Variants in HMCN2 observed in about 807,000 individuals in gnomAD.
HMCN2 encodes hemicentin-2.
In HMCN2, 325 loss-of-function variants were observed where a neutral mutation model predicts 377.5. That is an observed-to-expected ratio of 0.86 (90% CI 0.79 to 0.94). The LOEUF is 0.94. HMCN2 is among the 40% of genes least tolerant of loss of function. The pLI, the probability that HMCN2 is intolerant of heterozygous loss-of-function variation, is 0.00. For synonymous variants in HMCN2, 2,007 were observed against 2,046.8 expected (o/e 0.98, Z 0.53); for missense variants, 4,543 against 4,725.3 (o/e 0.96, Z 1.13).
At chr9:130,309,644 G>T (rs981264723) in intron 14 of HMCN2, among the ~76,000 whole-genome samples, 2 of 152,122 alleles carry the variant, frequency 1.3e-5, no homozygotes, top group Non-Finnish European at 2.9e-5. Context: ...ACCAGCGGGG[G>T]GGGTCCAAAC....
intron 1 of HMCN2, among the ~76,000 whole-genome samples, chr9:130,267,574 G>A (rs977078202): frequency 6.6e-6 from 1 of 152,108 alleles, no homozygotes; most frequent in Admixed American, 6.6e-5. Flanking sequence ...CCTTGCAGAG[G>A]GATTTGCATT....
intron 95 of HMCN2, 75 bp from the exon 96 acceptor site, chr9:130,431,292 C>G: frequency 2.1e-6 from 3 of 1,427,014 alleles, no homozygotes; most frequent in Non-Finnish European, 2.9e-6. Flanking sequence ...AGGTGTGTGG[C>G]CACGTTGGTG....
chr9:130,272,226 A>G (rs10988670), intron 1 of HMCN2, among the ~76,000 whole-genome samples: 2 of 147,606 alleles, frequency 1.4e-5, no homozygotes, highest in Non-Finnish European at 3.0e-5. Flanking sequence ...CTTCTTTTTT[A>G]AAAAAAATAA....
At chr9:130,328,908 CATCCTCTCCAGCTTTTACACATTT>C (rs1838283919) in intron 22 of HMCN2, among the ~76,000 whole-genome samples, 1 of 152,228 alleles carries the variant, frequency 6.6e-6, no homozygotes, top group Non-Finnish European at 1.5e-5. Flanking sequence ...CAAACTGAGA[CATCCTCTCCAGCTTTTACACATTT>C]ATCCTCCTCC....
rs782372093 is a variant in HMCN2, at chr9:130,302,958, C to G, written c.1378C>G (p.Leu460Val). ...VHSALPFRLQ[L>V]RRGEARLGEE... ...CAGTGCCCTTCCCTTCCGGCTGCAGCTGCGGCGAGGTGAAGCCAGGCTGGG... is the reference window on the plus strand; with the variant it reads ...CAGTGCCCTTCCCTTCCGGCTGCAGGTGCGGCGAGGTGAAGCCAGGCTGGG... Residue 460 changes from leucine (L) to valine (V), a missense_variant, in exon 9 of 98, where the codon CTG (leucine) becomes GTG (valine). By Grantham distance (32) the Leu-to-Val change is conservative. Transcript: ENST00000683500. 1 of 470,822 alleles carries G rather than the reference C, an allele frequency of 2.1e-6. No individual in the cohort carries two copies. The highest frequency in any genetic ancestry group is 1.5e-5 in the South Asian group (1 of 64,518). The allele number at this position is 470,822 out of a possible 1,614,324, so 29.2% of individuals were successfully genotyped here. A position where few individuals can be genotyped will look rare whatever the true frequency, so the allele number is the denominator to read the frequency against.
At chr9:130,346,273 A>T (rs1196631166) in intron 25 of HMCN2, among the ~76,000 whole-genome samples, 1 of 151,924 alleles carries the variant, frequency 6.6e-6, no homozygotes, top group Admixed American at 6.6e-5. Flanking sequence ...CACTTGGAGG[A>T]CTGGGCTGTT....
intron 1 of HMCN2, among the ~76,000 whole-genome samples, chr9:130,283,314 A>T (rs1345780928): frequency 6.6e-6 from 1 of 152,102 alleles, no homozygotes; most frequent in South Asian, 2.1e-4. Flanking sequence ...CATATACAAC[A>T]TAAGTAGAAG....
rs1838540472 is a variant in HMCN2 at position 130,333,520 on chromosome 9, A to T, written c.3360-4374A>T. 2.0e-5 allele frequency among the ~76,000 whole-genome samples: 3 copies of T among 152,296 alleles called. No individual in the cohort carries two copies. In the East Asian group the frequency reaches 5.8e-4, roughly 29 times the overall value. On this transcript the variant is annotated intron_variant, in intron 22 of 97. Coordinates refer to ENST00000683500, the MANE Select transcript of HMCN2 (RefSeq NM_001291815.2). ...AGCCAGATGGATGTCATAAACAGGA[A>T]ATTCCCCTCAAACCTCTCCACTCTC... is the stretch of plus-strand genomic sequence containing the variant.
chr9:130,348,483 T>C, intron 26 of HMCN2, 62 bp from the exon 27 acceptor site: 2 of 1,282,696 alleles, frequency 1.6e-6, no homozygotes, highest in Non-Finnish European at 2.0e-6. Flanking sequence ...CCAGATGAGG[T>C]CCCTTCGGCT....
At chr9:130,424,169 ATT>A (rs57296543) in intron 87 of HMCN2, among the ~76,000 whole-genome samples, 1,595 of 68,482 alleles carry the variant, frequency 0.023, 24 homozygotes, top group East Asian at 0.079. Context: ...ATATATATAT[ATT>A]TTTTTTTTTT....
chr9:130,368,008 G>A (rs569302568), intron 43 of HMCN2, among the ~76,000 whole-genome samples: 1 of 151,676 alleles, frequency 6.6e-6, no homozygotes, highest in East Asian at 1.9e-4. Flanking sequence ...ATTCCGGAGG[G>A]CTCAGGCCAG....
At chr9:130,273,788 G>A (rs1485629455) in intron 1 of HMCN2, among the ~76,000 whole-genome samples, 1 of 152,200 alleles carries the variant, frequency 6.6e-6, no homozygotes, top group African/African-American at 2.4e-5. Context: ...GTGCGCCTCC[G>A]CGCCCGGCCA....
At chr9:130,266,847 T>C (rs1230520228) in intron 1 of HMCN2, among the ~76,000 whole-genome samples, 1 of 152,142 alleles carries the variant, frequency 6.6e-6, no homozygotes, top group Non-Finnish European at 1.5e-5. Context: ...AGGGGCGCCC[T>C]TGAAAGGGTC....
intron 1 of HMCN2, among the ~76,000 whole-genome samples, chr9:130,271,874 C>T (rs1021296116): frequency 6.7e-6 from 1 of 149,234 alleles, no homozygotes; most frequent in Non-Finnish European, 1.5e-5. Flanking sequence ...ATGTAATCAT[C>T]CGTGTCTATA....
rs1564803759 is a variant in HMCN2, at chr9:130,349,603, A to T, written c.4370A>T (p.Glu1457Val). The change falls in exon 29 of 98, where the codon GAG becomes GTG. Residue 1457 changes from glutamate to valine, a missense_variant. Physicochemically the swap from Glu to Val is moderately radical, Grantham distance 121. This residue lies in a region of HMCN2 where 1,032 missense variants were observed against 1,285.1 expected (regional missense o/e 0.80). Transcript: ENST00000683500. ...CTAGGATTGGCCGGTGCAGACGTGG[A>T]GCTGCAGTGTTGGACCTCAGGGGTC... The part of the protein sequence containing the change: ...EVLGLAGADV[E>V]LQCWTSGVPT... 4 of 1,304,014 alleles carry T rather than the reference A, an allele frequency of 3.1e-6. No homozygotes were observed. The highest frequency in any genetic ancestry group is 2.5e-5 in the South Asian group (2 of 81,014). 80.8% of individuals were successfully genotyped at this position (1,304,014 alleles called of 1,614,324 possible).
At chr9:130,401,779 G>A (rs998018896) in intron 77 of HMCN2, among the ~76,000 whole-genome samples, 7 of 152,024 alleles carry the variant, frequency 4.6e-5, no homozygotes, top group African/African-American at 1.7e-4. Flanking sequence ...TGAAGCAATA[G>A]AACTTCCTTC....
In HMCN2 at chr9:130,423,478, T is replaced by C. The variant is rs1438773736; in HGVS notation, c.13381+752T>C. 6.6e-6 allele frequency among the ~76,000 whole-genome samples: 1 copy of C among 152,220 alleles called. No homozygotes were observed. The highest frequency in any genetic ancestry group is 2.4e-5 in the African/African-American group (1 of 41,472). ...GCAGACAGCAGATGAAGCGAGACGC[T>C]GCCCAGACATGGCTGCTTATTCTAG... On this transcript the variant is annotated intron_variant, in intron 87 of 97. Transcript: ENST00000683500. This position sits in a 1 kb window ranked among gnomAD's most constrained non-coding sequence, Gnocchi z 5.5.
chr9:130,271,634 A>G (rs1489859183), intron 1 of HMCN2, among the ~76,000 whole-genome samples: 1 of 148,158 alleles, frequency 6.7e-6, no homozygotes, highest in Non-Finnish European at 1.5e-5. Context: ...ACTTTTTGGC[A>G]CTGGTAGTGG....
In HMCN2 at chr9:130,356,142, G is replaced by A. The variant is rs1044290823; in HGVS notation, c.5310G>A (p.Ser1770=). ...AGCTGGCTGGGGTGCAGGTGGCCTC[G>A]CAGGGGACCACACTGCACATTGACC... ...AEELAGVQVA[S]QGTTLHIDHV... is the part of the protein sequence containing the mutation. Residue 1770 remains serine (S), a synonymous_variant, in exon 34 of 98, where the codon TCG becomes TCA. Transcript: ENST00000683500. The A allele has an allele frequency of 4.2e-5, 55 of 1,301,632 alleles. No individual in the cohort carries two copies. The highest frequency in any genetic ancestry group is 2.8e-4 in the South Asian group (23 of 80,942). 80.6% of individuals were successfully genotyped at this position (1,301,632 alleles called of 1,614,324 possible).
Sources: allele counts gnomAD v4.1 joint callset (sites outside exome capture counted in the v4.1 genomes callset), GRCh38; gene constraint gnomAD v4.1.1; regional missense constraint gnomAD v4.1.1; non-coding constraint Gnocchi (gnomAD v3.1); transcripts MANE v1.5; gene names NCBI Gene and HGNC (gene_info 2026-07-23, HGNC 2026-07-21).